Variants in PPP1R12B observed in about 807,000 individuals in gnomAD.
PPP1R12B encodes the protein myosin phosphatase target subunit 2.
Under a neutral mutation model 126.1 loss-of-function variants are expected in PPP1R12B, and 76 were observed. That is an observed-to-expected ratio of 0.60 (90% CI 0.50 to 0.73). The LOEUF (loss-of-function observed/expected upper bound fraction) is 0.73. Ranked by LOEUF, PPP1R12B falls within the 30% of genes least tolerant of loss-of-function variation. PPP1R12B has a pLI of 0.00. For synonymous variants in PPP1R12B, 356 were observed against 434.7 expected (o/e 0.82, Z 2.25); for missense variants, 1,052 against 1,205.1 (o/e 0.87, Z 1.88).
chr1:202,380,606 C>G (rs941546168), intron 1 of PPP1R12B, among the ~76,000 whole-genome samples: 1 of 152,176 alleles, frequency 6.6e-6, no homozygotes, highest in African/African-American at 2.4e-5. Context: ...AACACCCCCC[C>G]CATTCCTTGG....
chr1:202,404,675 ATT>A (rs888254832), intron 1 of PPP1R12B, among the ~76,000 whole-genome samples: 2 of 151,368 alleles, frequency 1.3e-5, no homozygotes, highest in East Asian at 1.9e-4. Flanking sequence ...AATTTTTTGT[ATT>A]TTTTTAGTAG....
intron 10 of PPP1R12B, 31 bp from the exon 11 acceptor site, chr1:202,440,675 T>C: frequency 6.5e-7 from 1 of 1,537,518 alleles, no homozygotes; most frequent in Non-Finnish European, 9.0e-7. Flanking sequence ...TATTGTACCT[T>C]TCTTGTGCTT....
At chr1:202,451,628 T>C (rs1322415191) in intron 13 of PPP1R12B, among the ~76,000 whole-genome samples, 6 of 152,066 alleles carry the variant, frequency 3.9e-5, no homozygotes, top group Non-Finnish European at 7.4e-5. Context: ...CCTTTCCCCC[T>C]TTTCTATTCC....
intron 2 of PPP1R12B, among the ~76,000 whole-genome samples, chr1:202,421,689 A>G (rs1668810153): frequency 6.6e-6 from 1 of 151,768 alleles, no homozygotes; most frequent in Admixed American, 6.6e-5. Flanking sequence ...GTAGGGGTCC[A>G]GTAAATGTTT....
chr1:202,479,853 G>A (rs956070422), intron 13 of PPP1R12B, among the ~76,000 whole-genome samples: 2 of 152,126 alleles, frequency 1.3e-5, no homozygotes, highest in East Asian at 1.9e-4. Flanking sequence ...TATTGCATAA[G>A]CCCTCAAAGT....
At chr1:202,466,713 A>G (rs1052926965) in intron 13 of PPP1R12B, among the ~76,000 whole-genome samples, 7 of 151,948 alleles carry the variant, frequency 4.6e-5, no homozygotes, top group African/African-American at 1.7e-4. Flanking sequence ...CTTATTTCTT[A>G]TTTCCTTTAT....
At chr1:202,382,077 G>A (rs1391941375) in intron 1 of PPP1R12B, among the ~76,000 whole-genome samples, 1 of 152,040 alleles carries the variant, frequency 6.6e-6, no homozygotes, top group Non-Finnish European at 1.5e-5. Flanking sequence ...TATACACCAT[G>A]GAATACTATG....
At chr1:202,382,959 A>G (rs1662578975) in intron 1 of PPP1R12B, among the ~76,000 whole-genome samples, 1 of 152,178 alleles carries the variant, frequency 6.6e-6, no homozygotes, top group Non-Finnish European at 1.5e-5. Flanking sequence ...AGTGATATCA[A>G]TAAAGTTTAA....
rs894006424 is a variant in PPP1R12B, at chr1:202,584,977, G to C, written c.*4417G>C. On this transcript the variant is annotated 3_prime_UTR_variant, in exon 24 of 24. Transcript: ENST00000608999. ...CACACACTTACCAATCAGAGGTCGT[G>C]TAATTGGCCTAAATCTAGGCCCAGT... 6.6e-5 allele frequency: 10 copies of C among 152,218 alleles called. No individual in the cohort carries two copies. The highest frequency in any genetic ancestry group is 2.2e-4 in the African/African-American group (9 of 41,438). 9.4% of individuals were successfully genotyped at this position (152,218 alleles called of 1,614,324 possible). A position where few individuals can be genotyped will look rare whatever the true frequency, so the allele number is the denominator to read the frequency against.
chr1:202,366,904 G>C (rs1558136489), intron 1 of PPP1R12B, among the ~76,000 whole-genome samples: 1 of 152,154 alleles, frequency 6.6e-6, no homozygotes, highest in Non-Finnish European at 1.5e-5. Context: ...ATTTCATGGA[G>C]TCACTGTACT....
rs544972349 is a variant in PPP1R12B, at chr1:202,502,335, C to G, written c.2490+5513C>G. On this transcript the variant is annotated intron_variant, in intron 18 of 23. Transcript: ENST00000608999. ...TCTAAAAGAGTTAAGCTATTAAATG[C>G]AAGGTTTTCAAACTACATGAAAGAA... is the stretch of plus-strand genomic sequence containing the variant. The G allele has an allele frequency of 1.2e-5, 12 of 985,288 alleles. No individual in the cohort carries two copies. In the African/African-American group the frequency reaches 1.9e-4, roughly 16 times the overall value. 61.0% of individuals were successfully genotyped at this position (985,288 alleles called of 1,614,324 possible).
At chr1:202,526,467 C>T (rs1683360699) in intron 18 of PPP1R12B, among the ~76,000 whole-genome samples, 1 of 152,016 alleles carries the variant, frequency 6.6e-6, no homozygotes, top group South Asian at 2.1e-4. Context: ...ATGTTTTTTT[C>T]CAGCCACATT....
At chr1:202,476,969 T>G (rs1676757482) in intron 13 of PPP1R12B, among the ~76,000 whole-genome samples, 1 of 152,164 alleles carries the variant, frequency 6.6e-6, no homozygotes, top group African/African-American at 2.4e-5. Context: ...GTAGTTTTAT[T>G]TTACTTAGGT....
chr1:202,457,637 A>ATAT (rs1274207343), intron 13 of PPP1R12B, among the ~76,000 whole-genome samples: 3 of 152,148 alleles, frequency 2.0e-5, no homozygotes, highest in Non-Finnish European at 4.4e-5. Context: ...AGTACATCAA[A>ATAT]TATTATTGTA....
intron 13 of PPP1R12B, among the ~76,000 whole-genome samples, chr1:202,487,932 G>A (rs1678372361): frequency 6.6e-6 from 1 of 152,108 alleles, no homozygotes; most frequent in Non-Finnish European, 1.5e-5. Context: ...GTGGATGACT[G>A]AACCTACAGA....
chr1:202,457,420 G>A (rs1454832858), intron 13 of PPP1R12B, among the ~76,000 whole-genome samples: 1 of 152,064 alleles, frequency 6.6e-6, no homozygotes, highest in African/African-American at 2.4e-5. Context: ...GGGCATGGTG[G>A]CACGTGCCTG....
At chr1:202,435,261 C>A (rs528311205) in intron 9 of PPP1R12B, among the ~76,000 whole-genome samples, 92 of 152,258 alleles carry the variant, frequency 6.0e-4, no homozygotes, top group African/African-American at 2.0e-3. Context: ...CATTGCCCCC[C>A]AAAATCTATA....
Position 202,592,599 on chromosome 1 carries a change from A to G in PPP1R12B, c.*12039A>G, listed in dbSNP as rs752054149. 2.0e-5 allele frequency: 3 copies of G among 152,242 alleles called. No individual in the cohort carries two copies. The highest frequency in any genetic ancestry group is 2.9e-5 in the Non-Finnish European group (2 of 68,040). The allele number at this position is 152,242 out of a possible 1,614,324, so 9.4% of individuals were successfully genotyped here. A position where few individuals can be genotyped will look rare whatever the true frequency, so the allele number is the denominator to read the frequency against. On this transcript the variant is annotated 3_prime_UTR_variant, in exon 24 of 24. Coordinates refer to ENST00000608999, the MANE Select transcript of PPP1R12B (RefSeq NM_002481.4). ...TTTCTAGGTAATTATCTTCTTTTAT[A>G]TATAATTAAATATACACGGATGGGG... is the stretch of plus-strand genomic sequence containing the variant.
intron 13 of PPP1R12B, 75 bp from the exon 14 acceptor site, chr1:202,488,458 G>C (rs1429543670): frequency 8.6e-7 from 1 of 1,164,790 alleles, no homozygotes; most frequent in East Asian, 2.5e-5. Flanking sequence ...TCTTCAATAT[G>C]TGGAAACACT....
Sources: allele counts gnomAD v4.1 joint callset (sites outside exome capture counted in the v4.1 genomes callset), GRCh38; gene constraint gnomAD v4.1.1; transcripts MANE v1.5; gene names NCBI Gene and HGNC (gene_info 2026-07-23, HGNC 2026-07-21).